Variants in FOXO3 observed in about 807,000 individuals in gnomAD.
FOXO3 encodes forkhead box protein O3.
Under a neutral mutation model 41.9 loss-of-function variants are expected in FOXO3, and 4 were observed. The ratio of observed to expected loss-of-function variants is 0.10; its 90% CI spans 0.05 to 0.22. FOXO3 has a LOEUF of 0.22. Among genes scored for constraint, FOXO3 ranks in the 10% least tolerant of loss-of-function variants. The probability of loss-of-function intolerance (pLI) is 1.00; values close to 1 mark genes in which losing one functional copy is unlikely to be tolerated. For missense variants in FOXO3, 534 were observed against 906.8 expected, an observed-to-expected ratio of 0.59 and a Z score of 5.28; for synonymous variants, 318 against 389.3, an observed-to-expected ratio of 0.82 and a Z score of 2.16.
intron 1 of FOXO3, among the ~76,000 whole-genome samples, chr6:108,642,639 G>C (rs1411221199): frequency 6.6e-6 from 1 of 152,074 alleles, no homozygotes; most frequent in Non-Finnish European, 1.5e-5. Context: ...TGATACTCAA[G>C]GAAAAGGTAA....
At chr6:108,665,080 C>G (rs550217492) in intron 2 of FOXO3, among the ~76,000 whole-genome samples, 191 bp downstream of exon 2, 1 of 152,110 alleles carries the variant, frequency 6.6e-6, no homozygotes, top group East Asian at 1.9e-4. Context: ...CTGTCAGGTG[C>G]CCCCCTTCCC....
At chr6:108,635,152 T>C (rs541128399) in intron 1 of FOXO3, among the ~76,000 whole-genome samples, 5 of 152,030 alleles carry the variant, frequency 3.3e-5, no homozygotes, top group African/African-American at 1.2e-4. Context: ...AATACAAAAA[T>C]TAGCTGGGTG....
At chr6:108,637,408 G>A (rs1346008140) in intron 1 of FOXO3, among the ~76,000 whole-genome samples, 4 of 152,134 alleles carry the variant, frequency 2.6e-5, no homozygotes, top group African/African-American at 9.7e-5. Flanking sequence ...ACAGCTAAGT[G>A]TCGAAATCCA....
At chr6:108,595,352 T>C (rs998576735) in intron 1 of FOXO3, among the ~76,000 whole-genome samples, 1 of 152,230 alleles carries the variant, frequency 6.6e-6, no homozygotes, top group East Asian at 1.9e-4. Flanking sequence ...CTTCTTCAGC[T>C]TAAGCTAAAT....
chr6:108,666,180 A>G (rs897864771), intron 2 of FOXO3, among the ~76,000 whole-genome samples: 1 of 152,156 alleles, frequency 6.6e-6, no homozygotes, highest in African/African-American at 2.4e-5. Context: ...CAGGGTTATT[A>G]CAAGAATCAA....
intron 1 of FOXO3, among the ~76,000 whole-genome samples, chr6:108,661,501 T>C (rs1778862442): frequency 6.6e-6 from 1 of 152,104 alleles, no homozygotes; most frequent in Non-Finnish European, 1.5e-5. Flanking sequence ...AGGAGGCATT[T>C]TACAGATTAG....
At chr6:108,616,289 C>T (rs556506191) in intron 1 of FOXO3, among the ~76,000 whole-genome samples, 37 of 151,428 alleles carry the variant, frequency 2.4e-4, no homozygotes, top group Non-Finnish European at 4.3e-4. Context: ...CTCAGCCTCC[C>T]GAGTAGCTGG....
chr6:108,600,451 G>A (rs1777018024), intron 1 of FOXO3, among the ~76,000 whole-genome samples: 1 of 150,616 alleles, frequency 6.6e-6, no homozygotes, highest in Admixed American at 6.6e-5. Flanking sequence ...GGAGACTGAG[G>A]CAGGAGAGTC....
rs147522869 is a variant in FOXO3 at position 108,676,448 on chromosome 6, C to T, written c.*35-3379C>T. Among the ~76,000 whole-genome samples, 1,074 of 152,172 alleles carry T rather than the reference C, an allele frequency of 7.1e-3. 7 individuals are homozygous for T. Among genetic ancestry groups the T allele is most frequent in the Non-Finnish European group, 0.01 (699 of 67,988 alleles). On this transcript the variant is annotated intron_variant, in intron 2 of 2. Transcript: ENST00000406360. ...GTAGGGACGGGGTTTTGCCATGTTGCCCAGGGTGGTCTCCAACTCCTGGTC... is the reference window on the plus strand; with the variant it reads ...GTAGGGACGGGGTTTTGCCATGTTGTCCAGGGTGGTCTCCAACTCCTGGTC...
intron 1 of FOXO3, among the ~76,000 whole-genome samples, chr6:108,598,977 C>CT (rs1187019118): frequency 6.6e-6 from 1 of 152,104 alleles, no homozygotes; most frequent in African/African-American, 2.4e-5. Context: ...TTTCCCTTTT[C>CT]TTTTTTTATG....
chr6:108,638,955 G>A (rs1778184460), intron 1 of FOXO3, among the ~76,000 whole-genome samples: 1 of 152,170 alleles, frequency 6.6e-6, no homozygotes, highest in African/African-American at 2.4e-5. Flanking sequence ...TGTTCGGGGT[G>A]TCCTTTCCAC....
chr6:108,665,506 T>C (rs918160797), intron 2 of FOXO3, among the ~76,000 whole-genome samples: 6 of 152,168 alleles, frequency 3.9e-5, no homozygotes, highest in Non-Finnish European at 8.8e-5. Context: ...CTTTATTAGC[T>C]AGCACTCAAG....
At chr6:108,657,289 G>GT in intron 1 of FOXO3, among the ~76,000 whole-genome samples, 1 of 152,310 alleles carries the variant, frequency 6.6e-6, no homozygotes, top group Middle Eastern at 3.4e-3. Context: ...TGAAGCTGAA[G>GT]TTTTTTCCTA....
At chr6:108,568,415 C>A (rs1391176200) in intron 1 of FOXO3, among the ~76,000 whole-genome samples, 3 of 152,088 alleles carry the variant, frequency 2.0e-5, no homozygotes, top group African/African-American at 7.2e-5. Context: ...TTGTGTTCTC[C>A]ATCAGCACTC....
chr6:108,560,793 C>CCCCCGGGCG, upstream of FOXO3: 1 of 347,198 alleles, frequency 2.9e-6, no homozygotes, highest in Non-Finnish European at 4.9e-6. Flanking sequence ...GGGCGCCCCT[C>CCCCCGGGCG]CCCCTTCTCC....
rs143287856 is a variant in FOXO3, at chr6:108,622,856, G to A, written c.622-40599G>A. On this transcript the variant is annotated intron_variant, in intron 1 of 2. Coordinates refer to ENST00000406360, the MANE Select transcript of FOXO3 (RefSeq NM_001455.4). ...TGTCTGCAAGAGAGCCGGGCCTCCC[G>A]TGTGCTGTGGCTCTCGTTCAGGCAT... Among the ~76,000 whole-genome samples the A allele has an allele frequency of 5.8e-3, 880 of 151,538 alleles. 22 individuals carry two copies. Among genetic ancestry groups the A allele is most frequent in the Admixed American group, 0.048 (723 of 15,216 alleles).
intron 1 of FOXO3, among the ~76,000 whole-genome samples, chr6:108,637,430 T>TC (rs1459448482): frequency 5.3e-5 from 8 of 152,060 alleles, no homozygotes; most frequent in Admixed American, 3.9e-4. Flanking sequence ...CCCGTGGTTC[T>TC]CCCCCAGAAT....
intron 2 of FOXO3, among the ~76,000 whole-genome samples, chr6:108,665,832 C>CA (rs1779041448): frequency 6.9e-6 from 1 of 145,800 alleles, no homozygotes; most frequent in Non-Finnish European, 1.5e-5. Context: ...AAAAAAAAGC[C>CA]AAAAAATTAA....
intron 1 of FOXO3, among the ~76,000 whole-genome samples, chr6:108,628,389 G>C (rs1294351974): frequency 6.6e-6 from 1 of 152,162 alleles, no homozygotes. Flanking sequence ...TGTGTCTCTG[G>C]CTGCGCATAT....
Sources: allele counts gnomAD v4.1 joint callset (sites outside exome capture counted in the v4.1 genomes callset), GRCh38; gene constraint gnomAD v4.1.1; transcripts MANE v1.5; gene names NCBI Gene and HGNC (gene_info 2026-07-23, HGNC 2026-07-21).